ERC1: variants seen among roughly 807,000 people sequenced by gnomAD.
ERC1 encodes RAB6 interacting protein 2.
Under a neutral mutation model 132.0 loss-of-function variants are expected in ERC1, and 56 were observed. The observed-to-expected ratio is 0.42, with a 90% confidence interval of 0.34 to 0.53. The LOEUF (loss-of-function observed/expected upper bound fraction) is 0.53, where lower values mean the gene tolerates loss of function less well. ERC1 is among the 20% of genes least tolerant of loss of function. The pLI is 0.03. For missense variants in ERC1, 1,202 were observed against 1,349.9 expected, an observed-to-expected ratio of 0.89 and a Z score of 1.72; for synonymous variants, 478 against 476.1, an observed-to-expected ratio of 1.00 and a Z score of -0.05.
intron 2 of ERC1, among the ~76,000 whole-genome samples, chr12:1,053,635 T>C (rs1161992675): frequency 6.6e-6 from 1 of 152,228 alleles, no homozygotes; most frequent in Non-Finnish European, 1.5e-5. Flanking sequence ...CACTTGTTTA[T>C]TTTCTATTTA....
chr12:1,447,900 T>G (rs1279385760), intron 18 of ERC1, among the ~76,000 whole-genome samples: 1 of 152,188 alleles, frequency 6.6e-6, no homozygotes, highest in African/African-American at 2.4e-5. Context: ...ACGGCCTGCC[T>G]TGGCCTCCCA....
chr12:1,456,289 G>A (rs1291928301), intron 18 of ERC1, among the ~76,000 whole-genome samples: 4 of 152,184 alleles, frequency 2.6e-5, no homozygotes, highest in African/African-American at 9.6e-5. Flanking sequence ...AATAGATTTG[G>A]TTTTGGCTAA....
At chr12:1,313,708 G>A (rs775282488) in intron 15 of ERC1, among the ~76,000 whole-genome samples, 11 of 150,690 alleles carry the variant, frequency 7.3e-5, no homozygotes, top group South Asian at 2.1e-4. Flanking sequence ...TTTTTTGCCC[G>A]GGTACGGTGG....
chr12:993,288 A>G (rs1960057233), intron 1 of ERC1, among the ~76,000 whole-genome samples: 1 of 152,224 alleles, frequency 6.6e-6, no homozygotes. Context: ...ATTGGGACAA[A>G]TGTGAACTAA....
At chr12:1,151,096 TC>T (rs1243283142) in intron 8 of ERC1, among the ~76,000 whole-genome samples, 1 of 152,126 alleles carries the variant, frequency 6.6e-6, no homozygotes, top group East Asian at 1.9e-4. Flanking sequence ...CCAAAACTAT[TC>T]TAAACAAAAA....
At chr12:1,199,635 G>A (rs911812976) in intron 12 of ERC1, among the ~76,000 whole-genome samples, 7 of 151,818 alleles carry the variant, frequency 4.6e-5, no homozygotes, top group Admixed American at 1.3e-4. Flanking sequence ...AAAATTAGCC[G>A]GGCATGGTGG....
intron 18 of ERC1, among the ~76,000 whole-genome samples, chr12:1,457,321 T>G (rs534244367): frequency 6.6e-6 from 1 of 152,254 alleles, no homozygotes; most frequent in South Asian, 2.1e-4. Context: ...CCCCACGATA[T>G]TAAAACAGAA....
At chr12:1,314,537 C>T (rs1434714283) in intron 15 of ERC1, among the ~76,000 whole-genome samples, 1 of 152,166 alleles carries the variant, frequency 6.6e-6, no homozygotes, top group Non-Finnish European at 1.5e-5. Context: ...TTTGACCCTG[C>T]AATTCTACTT....
At chr12:1,406,188 A>G (rs2091478107) in intron 16 of ERC1, among the ~76,000 whole-genome samples, 1 of 152,226 alleles carries the variant, frequency 6.6e-6, no homozygotes. Flanking sequence ...AGGTGAGGAA[A>G]CTGAGACTCA....
intron 15 of ERC1, among the ~76,000 whole-genome samples, chr12:1,304,666 C>T (rs1351443608): frequency 6.6e-6 from 1 of 150,578 alleles, no homozygotes; most frequent in East Asian, 2.0e-4. Context: ...TCTGGAGAGT[C>T]TGATAATTGG....
At chr12:1,292,832 G>A (rs543730841) in intron 15 of ERC1, among the ~76,000 whole-genome samples, 1 of 151,992 alleles carries the variant, frequency 6.6e-6, no homozygotes, top group Non-Finnish European at 1.5e-5. Context: ...CCAACATGGT[G>A]AAACCCCGTC....
At chr12:1,487,741 G>GGA (rs1194368377) in intron 18 of ERC1, among the ~76,000 whole-genome samples, 11 of 142,218 alleles carry the variant, frequency 7.7e-5, no homozygotes, top group African/African-American at 2.5e-4. Flanking sequence ...GAGAGAGAGA[G>GGA]GAGAAGGGTA....
intron 13 of ERC1, among the ~76,000 whole-genome samples, chr12:1,241,388 TA>T (rs2075780314): frequency 6.6e-6 from 1 of 152,222 alleles, no homozygotes; most frequent in Non-Finnish European, 1.5e-5. Flanking sequence ...TGTTATGAAT[TA>T]CATTGAGGAA....
At chr12:1,377,622 AT>A (rs2088102862) in intron 16 of ERC1, among the ~76,000 whole-genome samples, 1 of 152,138 alleles carries the variant, frequency 6.6e-6, no homozygotes, top group African/African-American at 2.4e-5. Context: ...TGCCTTTCTT[AT>A]TTTGACTTTA....
intron 17 of ERC1, chr12:1,410,398 G>A (rs1273934388): frequency 1.5e-6 from 2 of 1,322,808 alleles, no homozygotes; most frequent in Non-Finnish European, 2.0e-6. Context: ...GGATGAGGAG[G>A]AGGGTATATG....
rs1171681288 is a variant in ERC1, at chr12:1,141,659, A to G, written c.1609A>G (p.Met537Val). 7 of 1,613,312 alleles carry G rather than the reference A, an allele frequency of 4.3e-6. No homozygotes were observed. The East Asian group carries it at 1.1e-4, about 26-fold the overall frequency. ...ATTGCGTTTGGAAGAGAAGGAAACC[A>G]TGTTGAATAAAAAGACAAAACAAAT... ...LRLRLEEKET[M>V]LNKKTKQIQD... The change falls in exon 8 of 19, where the codon ATG becomes GTG. Residue 537 changes from methionine (M) to valine (V), a missense_variant. Transcript: ENST00000360905.
intron 5 of ERC1, among the ~76,000 whole-genome samples, chr12:1,111,607 C>T (rs1277871099): frequency 6.9e-5 from 10 of 145,332 alleles, no homozygotes; most frequent in Non-Finnish European, 1.5e-4. Context: ...ACATACCCAA[C>T]TTTTTTTTTT....
chr12:1,187,405 G>A (rs1310123312), intron 11 of ERC1, among the ~76,000 whole-genome samples: 1 of 151,426 alleles, frequency 6.6e-6, no homozygotes, highest in Non-Finnish European at 1.5e-5. Context: ...TTGTCATTTA[G>A]TATTCTTTTA....
At chr12:1,013,340 G>C (rs1965000030) in intron 1 of ERC1, among the ~76,000 whole-genome samples, 2 of 152,056 alleles carry the variant, frequency 1.3e-5, no homozygotes, top group Non-Finnish European at 1.5e-5. Context: ...TATTTGTCAT[G>C]ATGAGAACTT....
Sources: allele counts gnomAD v4.1 joint callset (sites outside exome capture counted in the v4.1 genomes callset), GRCh38; gene constraint gnomAD v4.1.1; transcripts MANE v1.5; gene names NCBI Gene and HGNC (gene_info 2026-07-23, HGNC 2026-07-21).